Variants in UBAC2 observed in about 807,000 individuals in gnomAD.
The protein encoded by UBAC2 is ubiquitin-associated domain-containing protein 2.
In UBAC2, 26 loss-of-function variants were observed where a neutral mutation model predicts 44.0. The ratio of observed to expected loss-of-function variants is 0.59; its 90% CI spans 0.43 to 0.82. UBAC2 has a LOEUF of 0.82. Ranked by LOEUF, UBAC2 falls within the 40% of genes least tolerant of loss-of-function variation. The pLI is 0.00. For missense variants in UBAC2, 329 were observed against 419.4 expected, an observed-to-expected ratio of 0.78 and a Z score of 1.88; for synonymous variants, 155 against 154.3, an observed-to-expected ratio of 1.00 and a Z score of -0.04.
intron 2 of UBAC2, among the ~76,000 whole-genome samples, chr13:99,241,816 T>C (rs948414882): frequency 1.4e-5 from 2 of 146,494 alleles, no homozygotes; most frequent in Non-Finnish European, 3.0e-5. Flanking sequence ...AGGACAATAG[T>C]GGAGGGAAGG....
chr13:99,283,176 T>C (rs1053749406), intron 4 of UBAC2, among the ~76,000 whole-genome samples: 1 of 152,252 alleles, frequency 6.6e-6, no homozygotes, highest in Non-Finnish European at 1.5e-5. Flanking sequence ...ACTTACTTAA[T>C]GTTTAATATT....
intron 4 of UBAC2, among the ~76,000 whole-genome samples, chr13:99,286,033 A>T (rs1028637992): frequency 6.6e-6 from 1 of 152,212 alleles, no homozygotes; most frequent in Non-Finnish European, 1.5e-5. Flanking sequence ...TCAGTGTGTC[A>T]GAGGAAACAG....
At chr13:99,270,964 C>G in intron 4 of UBAC2, among the ~76,000 whole-genome samples, 1 of 152,290 alleles carries the variant, frequency 6.6e-6, no homozygotes, top group South Asian at 2.1e-4. Context: ...GCAATCGGCT[C>G]TTTTCTGATT....
chr13:99,307,085 A>T (rs184577800), intron 4 of UBAC2, among the ~76,000 whole-genome samples: 4 of 152,328 alleles, frequency 2.6e-5, no homozygotes, highest in African/African-American at 9.6e-5. Context: ...ATACAGTAGT[A>T]CATGAAGTGA....
intron 7 of UBAC2, among the ~76,000 whole-genome samples, chr13:99,356,900 GTGGGCTTTGTTTGGTTTTCTTTTTT>G (rs2045193246): frequency 6.6e-6 from 1 of 152,180 alleles, no homozygotes; most frequent in African/African-American, 2.4e-5. Flanking sequence ...GGTTCTGGTG[GTGGGCTTTGTTTGGTTTTCTTTTTT>G]TGGGCTTTGT....
At chr13:99,262,710 CAAAAAAAAAAAAAAA>C (rs61627160) in intron 4 of UBAC2, among the ~76,000 whole-genome samples, 34 of 57,166 alleles carry the variant, frequency 5.9e-4, no homozygotes, top group Non-Finnish European at 8.8e-4. Flanking sequence ...AACTCCCTCT[CAAAAAAAAAAAAAAA>C]AAAAAAAAAA....
chr13:99,267,586 C>G (rs559039544), intron 4 of UBAC2, among the ~76,000 whole-genome samples: 2 of 152,212 alleles, frequency 1.3e-5, no homozygotes, highest in Admixed American at 6.5e-5. Context: ...GAAACTAGCT[C>G]TGTTCCAGAG....
At chr13:99,325,703 C>T (rs1417493830) in intron 6 of UBAC2, among the ~76,000 whole-genome samples, 2 of 152,106 alleles carry the variant, frequency 1.3e-5, no homozygotes, top group East Asian at 3.8e-4. Context: ...TTCCCTCTGC[C>T]CCCAGCCCCT....
chr13:99,303,645 C>G (rs948170830), intron 4 of UBAC2, among the ~76,000 whole-genome samples: 2 of 152,144 alleles, frequency 1.3e-5, no homozygotes, highest in Admixed American at 1.3e-4. Flanking sequence ...TAAAAAGGCT[C>G]TTTATAATGA....
intron 4 of UBAC2, among the ~76,000 whole-genome samples, chr13:99,246,494 A>G (rs972391698): frequency 1.4e-5 from 2 of 146,440 alleles, no homozygotes; most frequent in African/African-American, 4.9e-5. Flanking sequence ...TAGCCTACTG[A>G]GTGATGGGAG....
chr13:99,264,967 G>GT (rs34026571), intron 4 of UBAC2, among the ~76,000 whole-genome samples: 44,812 of 135,104 alleles, frequency 0.33, 7,129 homozygotes, highest in East Asian at 0.47. Context: ...TGCCATCGCT[G>GT]TTTTTTTTTT....
rs773517280 is a variant in UBAC2, at chr13:99,314,115, T to C, written c.408T>C (p.Ala136=). The C allele has an allele frequency of 1.9e-6, 3 of 1,611,144 alleles. No individual in the cohort carries two copies. Among genetic ancestry groups the C allele is most frequent in the African/African-American group, 2.7e-5 (2 of 74,808 alleles). ...LPSGFLAPVF[A]LFVPFYCSIP... is the part of the protein sequence containing the mutation. ...TGCATAGCCTGGCACCTGTGTTTGC[T>C]CTGTTTGTACCATTTTACTGCTCCA... Residue 136 remains alanine, a synonymous_variant, in exon 5 of 9, where the codon GCT becomes GCC. Coordinates refer to ENST00000403766, the MANE Select transcript of UBAC2 (RefSeq NM_001144072.2).
intron 4 of UBAC2, among the ~76,000 whole-genome samples, chr13:99,275,919 C>A (rs2043875936): frequency 6.6e-6 from 1 of 152,166 alleles, no homozygotes; most frequent in Non-Finnish European, 1.5e-5. Context: ...CTGCTCACCA[C>A]CAATGGGTTG....
intron 4 of UBAC2, among the ~76,000 whole-genome samples, chr13:99,252,783 A>G (rs1271802574): frequency 6.6e-6 from 1 of 152,124 alleles, no homozygotes; most frequent in Non-Finnish European, 1.5e-5. Flanking sequence ...GTGATCTACA[A>G]TTAAATTATA....
chr13:99,203,942 A>G (rs1243108314), intron 1 of UBAC2, among the ~76,000 whole-genome samples: 2 of 152,216 alleles, frequency 1.3e-5, no homozygotes, highest in Non-Finnish European at 2.9e-5. Flanking sequence ...TTGAAACTAT[A>G]TTGCTGTCTG....
intron 2 of UBAC2, 111 bp downstream of exon 2, chr13:99,238,665 G>A: frequency 3.1e-6 from 3 of 981,896 alleles, no homozygotes; most frequent in South Asian, 3.3e-5. Flanking sequence ...CAATTTGTAA[G>A]AAATATTTAT....
At chr13:99,326,377 TA>T (rs899918451) in intron 6 of UBAC2, among the ~76,000 whole-genome samples, 1 of 152,244 alleles carries the variant, frequency 6.6e-6, no homozygotes, top group African/African-American at 2.4e-5. Flanking sequence ...AGCCCATTTT[TA>T]AAACTAGGTT....
At chr13:99,368,688 AGTGTGTGTGT>A (rs35193753) in intron 8 of UBAC2, among the ~76,000 whole-genome samples, 112 of 146,696 alleles carry the variant, frequency 7.6e-4, no homozygotes, top group African/African-American at 1.8e-3. Context: ...CTCATGAGAG[AGTGTGTGTGT>A]GTGTGTGTGT....
At chr13:99,326,704 T>C (rs2044644674) in intron 6 of UBAC2, among the ~76,000 whole-genome samples, 1 of 152,130 alleles carries the variant, frequency 6.6e-6, no homozygotes, top group Non-Finnish European at 1.5e-5. Flanking sequence ...TGATGGGTGG[T>C]AGAACCAGGA....
Sources: allele counts gnomAD v4.1 joint callset (sites outside exome capture counted in the v4.1 genomes callset), GRCh38; gene constraint gnomAD v4.1.1; transcripts MANE v1.5; gene names NCBI Gene and HGNC (gene_info 2026-07-23, HGNC 2026-07-21).